The following ADAM12 variants were observed in gnomAD, a reference collection of about 807,000 sequenced individuals.
The protein encoded by ADAM12 is disintegrin and metalloproteinase domain-containing protein 12.
ADAM12 carries 70 observed loss-of-function variants against 106.4 expected under a neutral mutation model. That is an observed-to-expected ratio of 0.66 (90% CI 0.54 to 0.80). The LOEUF (loss-of-function observed/expected upper bound fraction) is 0.80. ADAM12 is among the 30% of genes least tolerant of loss of function. The probability of loss-of-function intolerance (pLI) is 0.00; values close to 1 mark genes in which losing one functional copy is unlikely to be tolerated. For missense variants in ADAM12, 1,010 were observed against 1,171.9 expected, an observed-to-expected ratio of 0.86 and a Z score of 2.02; for synonymous variants, 420 against 433.5, an observed-to-expected ratio of 0.97 and a Z score of 0.39.
chr10:126,041,378 C>T lies in ADAM12; in HGVS notation c.2104+1662G>A, dbSNP rs138981510. 1,128 of 985,720 alleles carry T rather than the reference C, an allele frequency of 1.1e-3. 8 individuals carry two copies. In the African/African-American group the frequency reaches 0.019, roughly 16 times the overall value. The allele number at this position is 985,720 out of a possible 1,614,324, so 61.1% of individuals were successfully genotyped here. A position where few individuals can be genotyped will look rare whatever the true frequency, so the allele number is the denominator to read the frequency against. ...TGCACTCTATTTTATGCAGTAATGG[C>T]CACGGGGGATGGAGTTAGGCTCTTA... On this transcript the variant is annotated intron_variant, in intron 18 of 22. Transcript: ENST00000448723.
intron 3 of ADAM12, among the ~76,000 whole-genome samples, chr10:126,258,215 A>G (rs1050514192): frequency 6.6e-6 from 1 of 152,204 alleles, no homozygotes. Context: ...CTGCACTCTC[A>G]TATCTTACAA....
rs182058892 is a variant in ADAM12 at position 126,141,048 on chromosome 10, G to A, written c.340-5388C>T. 7.9e-5 allele frequency among the ~76,000 whole-genome samples: 12 copies of A among 152,366 alleles called. No individual in the cohort carries two copies. The East Asian group carries it at 2.3e-3, about 29-fold the overall frequency. ...CTGCACGCACTGATGCTAAGAGGCA[G>A]GCACCAACTAGGCCTTGTGGGTTCA... On this transcript the variant is annotated intron_variant, in intron 4 of 22. Transcript: ENST00000448723.
At chr10:126,293,542 T>C (rs1242805885) in intron 2 of ADAM12, among the ~76,000 whole-genome samples, 3 of 152,194 alleles carry the variant, frequency 2.0e-5, no homozygotes, top group Non-Finnish European at 4.4e-5. Flanking sequence ...TTTTGAGAGA[T>C]GGAGTCTCAC....
At chr10:126,116,207 AC>A (rs1293930642) in intron 6 of ADAM12, among the ~76,000 whole-genome samples, 1 of 152,246 alleles carries the variant, frequency 6.6e-6, no homozygotes, top group Non-Finnish European at 1.5e-5. Context: ...TCTATATGAA[AC>A]GACAAACATA....
chr10:126,038,249 G>A lies in ADAM12; in HGVS notation c.2341C>T (p.Pro781Ser), dbSNP rs1330221845. The change falls in exon 20 of 23, where the codon CCA becomes TCA. Residue 781 changes from proline (P) to serine (S), a missense_variant. Physicochemically the swap from Pro to Ser is moderately conservative, Grantham distance 74. Coordinates refer to ENST00000448723, the MANE Select transcript of ADAM12 (RefSeq NM_001288973.2). ...ATCTACTCAAGACTCACCTTCGGTG[G>A]GTAGGAATCTGGCGGCTTCCTCATC... is the stretch of plus-strand genomic sequence containing the variant. ...GLMRKPPDSYPPKDNPRRLLQ... is the reference protein window; with the variant it reads ...GLMRKPPDSYSPKDNPRRLLQ... The A allele has an allele frequency of 1.2e-6, 2 of 1,609,406 alleles. No homozygotes were observed. Among genetic ancestry groups the A allele is most frequent in the African/African-American group, 2.7e-5 (2 of 74,882 alleles).
intron 2 of ADAM12, among the ~76,000 whole-genome samples, chr10:126,326,204 ATTTT>A (rs5788782): frequency 6.8e-6 from 1 of 147,256 alleles, no homozygotes; most frequent in African/African-American, 2.5e-5. Flanking sequence ...ACCGGGGAGT[ATTTT>A]TTTTTTTTTT....
At chr10:126,382,202 G>A (rs1312713187) in intron 1 of ADAM12, among the ~76,000 whole-genome samples, 1 of 152,106 alleles carries the variant, frequency 6.6e-6, no homozygotes, top group African/African-American at 2.4e-5. Context: ...ATGGGCCAAG[G>A]CCAATACAGG....
chr10:126,332,425 AAGAAGACCATTTC>A (rs1171473863), intron 1 of ADAM12, among the ~76,000 whole-genome samples: 2 of 152,228 alleles, frequency 1.3e-5, no homozygotes, highest in African/African-American at 4.8e-5. Context: ...AAACGATGAA[AAGAAGACCATTTC>A]AGAGAGCCAG....
At chr10:126,228,091 C>T (rs977704002) in intron 3 of ADAM12, among the ~76,000 whole-genome samples, 3 of 152,164 alleles carry the variant, frequency 2.0e-5, no homozygotes, top group African/African-American at 7.2e-5. Context: ...CCAGTCCTCA[C>T]TTGAAAGCAG....
intron 20 of ADAM12, among the ~76,000 whole-genome samples, 189 bp downstream of exon 20, chr10:126,038,052 A>G (rs973706128): frequency 1.3e-5 from 2 of 152,198 alleles, no homozygotes; most frequent in African/African-American, 4.8e-5. Context: ...GTGGGCTTCC[A>G]TGGGGGCACC....
At chr10:126,068,627 G>A (rs1026622168) in intron 12 of ADAM12, among the ~76,000 whole-genome samples, 1 of 152,216 alleles carries the variant, frequency 6.6e-6, no homozygotes, top group African/African-American at 2.4e-5. Context: ...TAAATCCAAT[G>A]CCCTGTCCGG....
chr10:126,229,379 G>A (rs188847951), intron 3 of ADAM12, among the ~76,000 whole-genome samples: 1 of 152,260 alleles, frequency 6.6e-6, no homozygotes, highest in East Asian at 1.9e-4. Context: ...GCAGTTCTGA[G>A]GATAAATTAT....
Position 126,298,548 on chromosome 10 carries a change from G to C in ADAM12, c.187-19560C>G, listed in dbSNP as rs184977911. 2.0e-5 allele frequency among the ~76,000 whole-genome samples: 3 copies of C among 152,256 alleles called. No homozygotes were observed. The East Asian group carries it at 5.8e-4, about 29-fold the overall frequency. On this transcript the variant is annotated intron_variant, in intron 2 of 22. Transcript: ENST00000448723. ...GCTTCAGAGACATATGGGACATGGT[G>C]AAAGGTATATGTAATTAGAGACCCA...
intron 1 of ADAM12, among the ~76,000 whole-genome samples, chr10:126,358,103 CG>C (rs1013815825): frequency 3.3e-5 from 5 of 149,922 alleles, no homozygotes; most frequent in African/African-American, 1.2e-4. Flanking sequence ...GCATGAACCC[CG>C]GGGGGTGGAA....
chr10:126,252,222 G>A (rs1958799379), intron 3 of ADAM12, among the ~76,000 whole-genome samples: 1 of 63,144 alleles, frequency 1.6e-5, no homozygotes, highest in Admixed American at 1.7e-4. Context: ...TAGATGGATG[G>A]ATGGATTAGA....
chr10:126,230,720 T>C (rs1958293550), intron 3 of ADAM12, among the ~76,000 whole-genome samples: 2 of 152,266 alleles, frequency 1.3e-5, no homozygotes, highest in Admixed American at 1.3e-4. Context: ...AAATTCAGTG[T>C]GAACGTCTTT....
At chr10:126,330,318 G>A (rs1854463094) in intron 2 of ADAM12, 94 bp downstream of exon 2, 2 of 1,078,198 alleles carry the variant, frequency 1.9e-6, no homozygotes, top group Non-Finnish European at 2.7e-6. Flanking sequence ...ATTAAAGTGA[G>A]TAGAGACAAC....
In ADAM12 at chr10:126,021,378, G is replaced by A. The variant is rs187930062; in HGVS notation, c.2530-1553C>T. On this transcript the variant is annotated intron_variant, in intron 21 of 22. Coordinates refer to ENST00000448723, the MANE Select transcript of ADAM12 (RefSeq NM_001288973.2). ...GAAAATTACATTTCTTTAGCAGTTG[G>A]GGCTCAGCTGAAAGAATGCAACAAT... Among the ~76,000 whole-genome samples, 91 of 152,218 alleles carry A rather than the reference G, an allele frequency of 6.0e-4. 1 individual carries two copies. The highest frequency in any genetic ancestry group is 3.4e-3 in the Middle Eastern group (1 of 294).
rs760042326 is a variant in ADAM12 at position 126,039,351 on chromosome 10, C to CTTT, written c.2180_2182dup (p.Lys727dup). 1.1e-5 allele frequency: 18 copies of CTTT among 1,613,966 alleles called. No homozygotes were observed. Among genetic ancestry groups the CTTT allele is most frequent in the Non-Finnish European group, 1.4e-5 (16 of 1,180,020 alleles). ...AAACAGCAGTCGTATCAAGGTCTTC[C>CTTT]TTTTGAGATAAACCACAAATCCGGC... On this transcript the variant is annotated inframe_insertion, in exon 19 of 23. Coordinates refer to ENST00000448723, the MANE Select transcript of ADAM12 (RefSeq NM_001288973.2).
Sources: allele counts gnomAD v4.1 joint callset (sites outside exome capture counted in the v4.1 genomes callset), GRCh38; gene constraint gnomAD v4.1.1; transcripts MANE v1.5; gene names NCBI Gene and HGNC (gene_info 2026-07-23, HGNC 2026-07-21).